PIWIL1: variants seen among roughly 807,000 people sequenced by gnomAD.
PIWIL1 encodes the protein piwi like RNA-mediated gene silencing 1.
Under a neutral mutation model 114.4 loss-of-function variants are expected in PIWIL1, and 73 were observed. That is an observed-to-expected ratio of 0.64 (90% CI 0.53 to 0.78). The LOEUF (loss-of-function observed/expected upper bound fraction) is 0.78, where lower values mean the gene tolerates loss of function less well. PIWIL1 is among the 30% of genes least tolerant of loss of function. PIWIL1 has a pLI of 0.00. For missense variants in PIWIL1, 723 were observed against 1,063.1 expected (o/e 0.68, Z 4.45); for synonymous variants, 375 against 369.0 (o/e 1.02, Z -0.19).
chr12:130,369,533 T>C (rs1210876294), intron 19 of PIWIL1, among the ~76,000 whole-genome samples: 1 of 32,622 alleles, frequency 3.1e-5, no homozygotes, highest in Non-Finnish European at 1.1e-4. Flanking sequence ...AGTGTTCCTA[T>C]TTCTCTCAGC....
In PIWIL1 at chr12:130,357,830, A is replaced by T. The variant is rs1742679827; in HGVS notation, c.1665+277A>T. 2.0e-5 allele frequency among the ~76,000 whole-genome samples: 3 copies of T among 152,242 alleles called. No homozygotes were observed. In the South Asian group the frequency reaches 6.2e-4, roughly 31 times the overall value. ...GACCCAAAGGCTTTACTTAGTCTAG[A>T]AAATTTGGAAAATACAGAAAAGCAC... is the stretch of plus-strand genomic sequence containing the variant. On this transcript the variant is annotated intron_variant, in intron 14 of 20. Coordinates refer to ENST00000245255, the MANE Select transcript of PIWIL1 (RefSeq NM_004764.5).
At chr12:130,408,201 G>A in the PIWIL1 span, among the ~76,000 whole-genome samples, 1 of 152,200 alleles carries the variant, frequency 6.6e-6, no homozygotes, top group Non-Finnish European at 1.5e-5. Context: ...GTGCACGGTT[G>A]TGACATTGCT....
chr12:130,344,250 G>C (rs1330105378), intron 3 of PIWIL1, among the ~76,000 whole-genome samples: 1 of 152,122 alleles, frequency 6.6e-6, no homozygotes, highest in Non-Finnish European at 1.5e-5. Flanking sequence ...AGTGTCATCA[G>C]GTTGGATTCA....
chr12:130,371,826 G>T lies in PIWIL1; in HGVS notation c.*228G>T. The T allele has an allele frequency of 3.4e-6, 1 of 293,654 alleles. No individual in the cohort carries two copies. The highest frequency in any genetic ancestry group is 6.3e-6 in the Non-Finnish European group (1 of 159,622). The allele number at this position is 293,654 out of a possible 1,614,324, so 18.2% of individuals were successfully genotyped here. ...CTTGTTTCTCATAGATATTTTGTGA[G>T]CATTTTTTTGTTTATTTTGAAGAAA... On this transcript the variant is annotated 3_prime_UTR_variant, in exon 21 of 21. Coordinates refer to ENST00000245255, the MANE Select transcript of PIWIL1 (RefSeq NM_004764.5).
At chr12:130,378,327 T>C in the PIWIL1 span, among the ~76,000 whole-genome samples, 2 of 152,300 alleles carry the variant, frequency 1.3e-5, no homozygotes, top group Middle Eastern at 3.4e-3. Flanking sequence ...TGCTGGGTGG[T>C]ATTCGACCGC....
downstream of PIWIL1, among the ~76,000 whole-genome samples, chr12:130,376,406 A>G (rs1388770919): frequency 6.6e-6 from 1 of 152,244 alleles, no homozygotes; most frequent in East Asian, 1.9e-4. Context: ...AGTGCAAAGG[A>G]AAAGTGACCT....
At chr12:130,397,806 G>A in the PIWIL1 span, 288 of 299,640 alleles carry the variant, frequency 9.6e-4, 1 homozygote, top group African/African-American at 5.4e-3. Flanking sequence ...GCAAAGCTAA[G>A]GCAGGTAATA....
downstream of PIWIL1, among the ~76,000 whole-genome samples, chr12:130,376,016 G>C (rs955959986): frequency 5.3e-5 from 8 of 152,072 alleles, no homozygotes; most frequent in Admixed American, 2.6e-4. Context: ...ACTCTGCCAG[G>C]ATCCCCTTTC....
chr12:130,405,284 C>A, the PIWIL1 span, among the ~76,000 whole-genome samples: 3 of 152,158 alleles, frequency 2.0e-5, no homozygotes, highest in Admixed American at 6.5e-5. Flanking sequence ...AATATCCTCA[C>A]CAAAGGCAAA....
At position 130,354,520 on chromosome 12, in the gene PIWIL1, T is replaced by G; in HGVS notation, c.1045-17T>G. ...AGGCATTTGCCGTGAACAGCGACCC[T>G]TTCGTCTCTTGAGCAGCAATACAAC... On this transcript the variant is annotated splice_polypyrimidine_tract_variant and intron_variant, in intron 9 of 20. Coordinates refer to ENST00000245255, the MANE Select transcript of PIWIL1 (RefSeq NM_004764.5). The G allele has an allele frequency of 6.2e-7, 1 of 1,614,026 alleles. No individual in the cohort carries two copies. The highest frequency in any genetic ancestry group is 8.5e-7 in the Non-Finnish European group (1 of 1,180,000).
the PIWIL1 span, chr12:130,414,282 G>C: frequency 1.9e-6 from 3 of 1,603,618 alleles, no homozygotes; most frequent in Non-Finnish European, 2.6e-6. Flanking sequence ...GAAGTCTGGA[G>C]AAAGGCGGTC....
chr12:130,339,234 C>A (rs1252186331), intron 1 of PIWIL1, among the ~76,000 whole-genome samples: 3 of 152,096 alleles, frequency 2.0e-5, no homozygotes, highest in Admixed American at 2.0e-4. Flanking sequence ...CGGCCCGGCC[C>A]TTGGCACCTG....
intron 4 of PIWIL1, among the ~76,000 whole-genome samples, 181 bp downstream of exon 4, chr12:130,346,059 C>T (rs1565941759): frequency 1.3e-5 from 2 of 152,246 alleles, no homozygotes; most frequent in East Asian, 1.9e-4. Context: ...CATTTTGAAA[C>T]GTCATCTCAT....
the PIWIL1 span, chr12:130,414,270 T>C: frequency 1.4e-5 from 22 of 1,609,710 alleles, no homozygotes; most frequent in Non-Finnish European, 1.6e-5. Flanking sequence ...TGACTCTTCA[T>C]AGAAGTCTGG....
chr12:130,353,605 C>T (rs1171275202), intron 9 of PIWIL1, among the ~76,000 whole-genome samples: 1 of 152,086 alleles, frequency 6.6e-6, no homozygotes, highest in East Asian at 1.9e-4. Flanking sequence ...AGCTGGAGGC[C>T]AGAGAGCTCA....
chr12:130,355,500 T>C (rs2073339624), intron 11 of PIWIL1, 53 bp from the exon 12 acceptor site: 1 of 1,306,802 alleles, frequency 7.7e-7, no homozygotes, highest in Non-Finnish European at 1.1e-6. Flanking sequence ...TTTGACTGTG[T>C]CTTCTTGCTG....
the PIWIL1 span, among the ~76,000 whole-genome samples, chr12:130,395,828 A>ATTAAT: frequency 2.0e-5 from 3 of 152,180 alleles, no homozygotes; most frequent in Non-Finnish European, 4.4e-5. Flanking sequence ...GTAGCCGTTC[A>ATTAAT]TTAATTTCAC....
chr12:130,343,048 T>A lies in PIWIL1; in HGVS notation c.137T>A (p.Leu46Ter). 6.2e-7 allele frequency: 1 copy of A among 1,614,028 alleles called. No individual in the cohort carries two copies. Among genetic ancestry groups the A allele is most frequent in the Non-Finnish European group, 8.5e-7 (1 of 1,179,970 alleles). ...CAGCCGCCACCAGCAGAGGGGGAATTATTTGGCCGTGGACGGCAGAGAGGA... is the reference window on the plus strand; with the variant it reads ...CAGCCGCCACCAGCAGAGGGGGAATAATTTGGCCGTGGACGGCAGAGAGGA... ...RPQPPPAEGELFGRGRQRGTA... is the reference protein window; with the variant it reads ...RPQPPPAEGE Residue 46 changes from leucine (L) to a stop codon, truncating the protein, a stop_gained, in exon 3 of 21, where the codon TTA (leucine) becomes TAA (stop). Coordinates refer to ENST00000245255, the MANE Select transcript of PIWIL1 (RefSeq NM_004764.5). LOFTEE classifies it high-confidence loss of function.
the PIWIL1 span, among the ~76,000 whole-genome samples, chr12:130,391,376 G>A: frequency 1.3e-5 from 2 of 152,178 alleles, no homozygotes; most frequent in Non-Finnish European, 1.5e-5. Context: ...TCTGACGCAA[G>A]TCCAGCCATC....
Sources: allele counts gnomAD v4.1 joint callset (sites outside exome capture counted in the v4.1 genomes callset), GRCh38; gene constraint gnomAD v4.1.1; transcripts MANE v1.5; gene names NCBI Gene and HGNC (gene_info 2026-07-23, HGNC 2026-07-21).